The following CSMD1 variants were observed in gnomAD, a reference collection of about 807,000 sequenced individuals.
CSMD1 encodes CUB and sushi domain-containing protein 1.
CSMD1 carries 213 observed loss-of-function variants against 417.5 expected under a neutral mutation model. The ratio of observed to expected loss-of-function variants is 0.51; its 90% confidence interval spans 0.46 to 0.57. The LOEUF (loss-of-function observed/expected upper bound fraction) is 0.57. Among genes scored for constraint, CSMD1 ranks in the 20% least tolerant of loss-of-function variants. The pLI, the probability that CSMD1 is intolerant of heterozygous loss-of-function variation, is 0.00. For missense variants in CSMD1, 6,923 were observed against 4,529.7 expected (o/e 1.53, Z -15.17); for synonymous variants, 2,862 against 1,736.8 (o/e 1.65, Z -16.11).
intron 5 of CSMD1, among the ~76,000 whole-genome samples, chr8:3,790,310 G>C (rs1432437146): frequency 6.6e-6 from 1 of 152,134 alleles, no homozygotes; most frequent in Admixed American, 6.5e-5. Flanking sequence ...GTAGCTACTG[G>C]CTGTAACTTC....
chr8:3,957,363 C>A (rs1201851810), intron 5 of CSMD1, among the ~76,000 whole-genome samples: 1 of 152,060 alleles, frequency 6.6e-6, no homozygotes, highest in Non-Finnish European at 1.5e-5. Context: ...TGCTAGGCAC[C>A]AAGGCAGGTG....
chr8:4,507,779 G>A (rs768589543), intron 2 of CSMD1, among the ~76,000 whole-genome samples: 2 of 152,196 alleles, frequency 1.3e-5, no homozygotes, highest in Non-Finnish European at 2.9e-5. Context: ...TATAAGAGTT[G>A]TAATGAAACA....
chr8:4,252,218 C>G (rs563179659), intron 3 of CSMD1, among the ~76,000 whole-genome samples: 200 of 152,256 alleles, frequency 1.3e-3, no homozygotes, highest in Non-Finnish European at 2.4e-3. Flanking sequence ...CAAAGGTAAA[C>G]AGGCATAGAC....
chr8:3,254,018 G>T (rs531160644), intron 26 of CSMD1, among the ~76,000 whole-genome samples: 1 of 152,190 alleles, frequency 6.6e-6, no homozygotes, highest in African/African-American at 2.4e-5. Flanking sequence ...GGTACTAGTT[G>T]TTCCTTTCCA....
intron 3 of CSMD1, among the ~76,000 whole-genome samples, chr8:4,074,525 A>C (rs1941665820): frequency 6.6e-6 from 1 of 152,172 alleles, no homozygotes; most frequent in Admixed American, 6.5e-5. Context: ...ATGATATTTG[A>C]GAACATGAGC....
At chr8:4,261,771 A>G (rs1452208497) in intron 3 of CSMD1, among the ~76,000 whole-genome samples, 1 of 152,112 alleles carries the variant, frequency 6.6e-6, no homozygotes, top group African/African-American at 2.4e-5. Flanking sequence ...GAAGTGATGA[A>G]TATGTTAATT....
Position 3,269,443 on chromosome 8 carries a change from G to A in CSMD1, c.4153+14701C>T, listed in dbSNP as rs145548675. 7.0e-3 allele frequency among the ~76,000 whole-genome samples: 1,059 copies of A among 152,318 alleles called. 12 individuals are homozygous for A. Among genetic ancestry groups the A allele is most frequent in the African/African-American group, 0.024 (996 of 41,552 alleles). On this transcript the variant is annotated intron_variant, in intron 26 of 69. Coordinates refer to ENST00000635120, the MANE Select transcript of CSMD1 (RefSeq NM_033225.6). Reference sequence around the variant, plus strand: ...AAACAGTCCCAGCCTGTTCTGCCATGGGCAGCACCAAAGGCCTCTCCTGTA... The same window carrying A: ...AAACAGTCCCAGCCTGTTCTGCCATAGGCAGCACCAAAGGCCTCTCCTGTA...
chr8:4,878,011 T>A (rs1272344431), intron 1 of CSMD1, among the ~76,000 whole-genome samples: 1 of 152,118 alleles, frequency 6.6e-6, no homozygotes, highest in African/African-American at 2.4e-5. Flanking sequence ...AAATAGGACC[T>A]GTCAGCATCC....
chr8:4,027,668 A>G (rs550090445), intron 4 of CSMD1, among the ~76,000 whole-genome samples: 3 of 152,322 alleles, frequency 2.0e-5, no homozygotes, highest in Admixed American at 2.0e-4. Flanking sequence ...TCATAGTAGC[A>G]TGATAACGGA....
At position 3,176,891 on chromosome 8, in the gene CSMD1, A is replaced by G. The variant is rs150837862; in HGVS notation, c.5725+4219T>C. Among the ~76,000 whole-genome samples, 926 of 150,084 alleles carry G rather than the reference A, an allele frequency of 6.2e-3. 9 individuals are homozygous for G. The highest frequency in any genetic ancestry group is 0.022 in the African/African-American group (892 of 40,780). ...CCTCCTGGGCTCAACGGATCATCCC[A>G]CCTCAGCCTCCTGTGTAGGTGGGAC... On this transcript the variant is annotated intron_variant, in intron 37 of 69. Transcript: ENST00000635120.
intron 26 of CSMD1, among the ~76,000 whole-genome samples, chr8:3,262,065 C>T (rs919651441): frequency 6.6e-6 from 1 of 151,246 alleles, no homozygotes; most frequent in Admixed American, 6.6e-5. Context: ...CTATGATTAC[C>T]CCAAAGTAAA....
chr8:3,548,796 C>T (rs144265919), intron 10 of CSMD1, among the ~76,000 whole-genome samples: 1 of 152,102 alleles, frequency 6.6e-6, no homozygotes, highest in Non-Finnish European at 1.5e-5. Context: ...ACCACCTTCT[C>T]AGGTTTCTAA....
intron 57 of CSMD1, among the ~76,000 whole-genome samples, chr8:2,967,076 T>C (rs1037082210): frequency 7.2e-5 from 11 of 152,200 alleles, no homozygotes; most frequent in Non-Finnish European, 1.0e-4. Context: ...TATTTGGGGA[T>C]TGAATGTTTT....
chr8:3,686,500 A>G (rs1799951895), intron 7 of CSMD1, among the ~76,000 whole-genome samples: 1 of 152,214 alleles, frequency 6.6e-6, no homozygotes, highest in African/African-American at 2.4e-5. Context: ...CTTAAAAAAA[A>G]GCCAGTTACA....
intron 3 of CSMD1, among the ~76,000 whole-genome samples, chr8:4,037,147 G>C (rs1019841106): frequency 1.3e-5 from 2 of 152,218 alleles, no homozygotes; most frequent in African/African-American, 2.4e-5. Context: ...AGTGAATGTA[G>C]AGCTCACATG....
intron 38 of CSMD1, among the ~76,000 whole-genome samples, chr8:3,161,160 G>A (rs779296794): frequency 1.3e-5 from 2 of 152,008 alleles, no homozygotes; most frequent in Non-Finnish European, 2.9e-5. Flanking sequence ...AATTTTTATT[G>A]CTGGCAGAGA....
intron 11 of CSMD1, among the ~76,000 whole-genome samples, chr8:3,487,554 T>C (rs1200133521): frequency 6.6e-6 from 1 of 152,170 alleles, no homozygotes; most frequent in Non-Finnish European, 1.5e-5. Flanking sequence ...AATCGATACA[T>C]CTAGTCACAA....
chr8:3,355,869 G>T (rs886847532), intron 21 of CSMD1, among the ~76,000 whole-genome samples: 3 of 152,154 alleles, frequency 2.0e-5, no homozygotes, highest in African/African-American at 7.2e-5. Flanking sequence ...CACGTGTAAT[G>T]CACATGCCAA....
intron 1 of CSMD1, among the ~76,000 whole-genome samples, chr8:4,760,290 T>G (rs867818923): frequency 6.6e-6 from 1 of 152,238 alleles, no homozygotes; most frequent in Non-Finnish European, 1.5e-5. Flanking sequence ...CTTTGGCATG[T>G]GAAGATAATT....
Sources: allele counts gnomAD v4.1 joint callset (sites outside exome capture counted in the v4.1 genomes callset), GRCh38; gene constraint gnomAD v4.1.1; transcripts MANE v1.5; gene names NCBI Gene and HGNC (gene_info 2026-07-23, HGNC 2026-07-21).